PAN2: variants seen among roughly 807,000 people sequenced by gnomAD.
PAN2 encodes poly(A) specific ribonuclease subunit PAN2.
PAN2 carries 68 observed loss-of-function variants against 133.3 expected under a neutral mutation model. That is an observed-to-expected ratio of 0.51 (90% CI 0.42 to 0.62). The LOEUF (loss-of-function observed/expected upper bound fraction) is 0.62. Among genes scored for constraint, PAN2 ranks in the 20% least tolerant of loss-of-function variants. The pLI is 0.00. For missense variants in PAN2, 1,042 were observed against 1,500.5 expected, an observed-to-expected ratio of 0.69 and a Z score of 5.05; for synonymous variants, 462 against 544.6, an observed-to-expected ratio of 0.85 and a Z score of 2.11.
At chr12:56,327,068 C>T in intron 6 of PAN2, 109 bp from the exon 7 acceptor site, 1 of 944,862 alleles carries the variant, frequency 1.1e-6, no homozygotes, top group Non-Finnish European at 1.6e-6. Flanking sequence ...GGCCCCAAAT[C>T]CATGCCTAGA....
chr12:56,333,816 A>AGG (rs1176552973), intron 1 of PAN2, 46 bp downstream of exon 1: 1 of 152,614 alleles, frequency 6.6e-6, no homozygotes, highest in Non-Finnish European at 1.5e-5. Flanking sequence ...GGATAGGGCA[A>AGG]GGGTCAGATG....
rs758389894 is a variant in PAN2 at position 56,319,461 on chromosome 12, C to G, written c.3117G>C (p.Ser1039=). The G allele has an allele frequency of 7.4e-6, 12 of 1,613,620 alleles. No homozygotes were observed. The highest frequency in any genetic ancestry group is 2.7e-5 in the African/African-American group (2 of 74,880). ...EQVVDYLTQY[S]GIKPGDLDAK... ...CATCGAGGTCACCAGGCTTTATACC[C>G]GAGTATTGAGTCAAGTAATCCACCA... is the stretch of plus-strand genomic sequence containing the variant. The change falls in exon 23 of 26, where the codon TCG becomes TCC. Residue 1039 remains serine (S), a synonymous_variant. Coordinates refer to ENST00000440411, the MANE Select transcript of PAN2 (RefSeq NM_014871.6). The surrounding 1 kb of genome is among the most constrained non-coding windows in gnomAD (Gnocchi z 5.4).
intron 6 of PAN2, 89 bp downstream of exon 6, chr12:56,327,275 C>A: frequency 2.8e-6 from 4 of 1,416,206 alleles, no homozygotes; most frequent in South Asian, 1.2e-5. Flanking sequence ...CTTTCCCCAA[C>A]AAAGAGGTTT....
At position 56,318,297 on chromosome 12, in the gene PAN2, C is replaced by T; in HGVS notation, c.3502G>A (p.Glu1168Lys). The T allele has an allele frequency of 3.1e-6, 5 of 1,614,156 alleles. No homozygotes were observed. The highest frequency in any genetic ancestry group is 3.4e-6 in the Non-Finnish European group (4 of 1,180,034). The change falls in exon 25 of 26, where the codon GAG (glutamate) becomes AAG (lysine). Residue 1168 changes from glutamate to lysine, a missense_variant. Physicochemically the swap from Glu to Lys is moderately conservative, Grantham distance 56. Around this residue, in one of 3 missense-constraint regions of PAN2, gnomAD observed 85 missense variants for 116.5 expected, o/e 0.73. Coordinates refer to ENST00000440411, the MANE Select transcript of PAN2 (RefSeq NM_014871.6). ...TTCCAGTCCATCTTTCTGCCCTTCTCATAAAGACCCTTGAGCACCTTGTGG... is the reference window on the plus strand; with the variant it reads ...TTCCAGTCCATCTTTCTGCCCTTCTTATAAAGACCCTTGAGCACCTTGTGG... ...SFHKVLKGLY[E>K]KGRKMDWKVP...
In PAN2 at chr12:56,325,323, G is replaced by C. The variant is rs762860241; in HGVS notation, c.1479+12C>G. ...TTCCCCACATCCCACAGGCCCTGAT[G>C]TCCCCCAGCACCTTGCGGTATTTCT... On this transcript the variant is annotated intron_variant, in intron 9 of 25. Coordinates refer to ENST00000440411, the MANE Select transcript of PAN2 (RefSeq NM_014871.6). The C allele has an allele frequency of 1.2e-6, 2 of 1,613,830 alleles. No homozygotes were observed.
chr12:56,322,173 A>G lies in PAN2; in HGVS notation c.2698-5T>C, dbSNP rs575783934. On this transcript the variant is annotated splice_polypyrimidine_tract_variant and splice_region_variant and intron_variant, in intron 19 of 25. Transcript: ENST00000440411. ...GTCAAACTGCACAGCTTCATGCTATAGAAGAGAAAAAGCACTTATGGCTAA... is the reference window on the plus strand; with the variant it reads ...GTCAAACTGCACAGCTTCATGCTATGGAAGAGAAAAAGCACTTATGGCTAA... The G allele has an allele frequency of 3.8e-6, 6 of 1,573,202 alleles. No individual in the cohort carries two copies. In the African/African-American group the frequency reaches 4.0e-5, roughly 11 times the overall value.
In PAN2 at chr12:56,328,340, A is replaced by G. The variant is rs548163637; in HGVS notation, c.471T>C (p.Asp157=). The G allele has an allele frequency of 1.5e-4, 242 of 1,602,088 alleles. 2 individuals are homozygous for G. The South Asian group carries it at 2.6e-3, about 17-fold the overall frequency. ...IFDYLLDENE[D]MHSLLLTDSS... ...TGTCAGTCAGTAGGAGACTGTGCAT[A>G]TCCTCATTCTCATCCAGCCTGGTGG... The change falls in exon 4 of 26, where the codon GAT becomes GAC. Residue 157 remains aspartate (D), a synonymous_variant. Coordinates refer to ENST00000440411, the MANE Select transcript of PAN2 (RefSeq NM_014871.6).
Position 56,332,846 on chromosome 12 carries a change from C to T in PAN2, c.249G>A (p.Leu83=), listed in dbSNP as rs1334290604. The T allele has an allele frequency of 3.1e-6, 5 of 1,614,068 alleles. No individual in the cohort carries two copies. The highest frequency in any genetic ancestry group is 4.2e-6 in the Non-Finnish European group (5 of 1,180,044). The stretch of plus-strand genomic sequence containing the variant: ...TCCCCACCCACAGCATCTCCTCGTG[C>T]AAGTCAAAGTGGGAGACGGAAACAG... ...GVPVSVSHFD[L]HEEMLWVGSH... Residue 83 remains leucine, a synonymous_variant, in exon 2 of 26, where the codon TTG becomes TTA. Transcript: ENST00000440411.
rs761644578 is a variant in PAN2, at chr12:56,325,338, G to C, written c.1476C>G (p.Arg492=). The C allele has an allele frequency of 6.2e-7, 1 of 1,614,084 alleles. No individual in the cohort carries two copies. The highest frequency in any genetic ancestry group is 8.5e-7 in the Non-Finnish European group (1 of 1,180,002). The change falls in exon 9 of 26, where the codon CGC becomes CGG. Residue 492 remains arginine, a synonymous_variant. Transcript: ENST00000440411. ...PHLHMVSKKY[R]KVTIKYSKLG... is the part of the protein sequence containing the mutation. ...AGGCCCTGATGTCCCCCAGCACCTTGCGGTATTTCTTAGAAACCATGTGGA... is the reference window on the plus strand; with the variant it reads ...AGGCCCTGATGTCCCCCAGCACCTTCCGGTATTTCTTAGAAACCATGTGGA...
At chr12:56,325,214 C>T in intron 9 of PAN2, 86 bp from the exon 10 acceptor site, 2 of 1,576,818 alleles carry the variant, frequency 1.3e-6, no homozygotes, top group South Asian at 1.2e-5. Context: ...CTAGAGCCTT[C>T]CTCCTGGGTC....
rs1482324704 is a variant in PAN2 at position 56,323,212 on chromosome 12, A to G, written c.2346-3T>C. 3 of 1,613,792 alleles carry G rather than the reference A, an allele frequency of 1.9e-6. No individual in the cohort carries two copies. The highest frequency in any genetic ancestry group is 2.2e-5 in the East Asian group (1 of 44,902). The stretch of plus-strand genomic sequence containing the variant: ...CCTCTGGACTCCCTAGTTCCTTCCT[A>G]TCAGGTCAGAAGAATTGGAAATTTG... On this transcript the variant is annotated splice_polypyrimidine_tract_variant and splice_region_variant and intron_variant, in intron 16 of 25. Transcript: ENST00000440411.
At chr12:56,317,725 C>G (rs532300916) in intron 25 of PAN2, 82 bp from the exon 26 acceptor site, 2 of 1,256,256 alleles carry the variant, frequency 1.6e-6, no homozygotes, top group Non-Finnish European at 2.3e-6. Context: ...AGGAAAAATG[C>G]AAGAGAAAAA....
rs780158542 is a variant in PAN2, at chr12:56,318,377, T to C, written c.3422A>G (p.Gln1141Arg). The change falls in exon 25 of 26, where the codon CAG (glutamine) becomes CGG (arginine). Residue 1141 changes from glutamine (Q) to arginine (R), a missense_variant. Physicochemically the swap from Gln to Arg is conservative, Grantham distance 43 (BLOSUM62 1). Coordinates refer to ENST00000440411, the MANE Select transcript of PAN2 (RefSeq NM_014871.6). ...TAGCTCCAGATACTTTCGGTACAGC[T>C]GAAGGGCTGTGCGGGCATCCTCAAT... ...DSIEDARTAL[Q>R]LYRKYLELSK... 1 of 1,614,008 alleles carries C rather than the reference T, an allele frequency of 6.2e-7. No homozygotes were observed. Among genetic ancestry groups the C allele is most frequent in the Non-Finnish European group, 8.5e-7 (1 of 1,179,894 alleles).
chr12:56,324,004 G>T (rs777970466), intron 13 of PAN2, 45 bp downstream of exon 13: 3 of 1,612,558 alleles, frequency 1.9e-6, no homozygotes, highest in Non-Finnish European at 2.5e-6. Flanking sequence ...AGGACATTTT[G>T]GGGAGCCTTC....
At position 56,328,230 on chromosome 12, in the gene PAN2, G is replaced by A; in HGVS notation, c.573+8C>T. ...CCCACATAGGTCTTTCTTGCCCCAAGCTTGTACCTTCTGAGTCTCCTGGAC... is the reference window on the plus strand; with the variant it reads ...CCCACATAGGTCTTTCTTGCCCCAAACTTGTACCTTCTGAGTCTCCTGGAC... On this transcript the variant is annotated splice_region_variant and intron_variant, in intron 4 of 25. Coordinates refer to ENST00000440411, the MANE Select transcript of PAN2 (RefSeq NM_014871.6). 6.3e-7 allele frequency: 1 copy of A among 1,588,152 alleles called. No homozygotes were observed. Among genetic ancestry groups the A allele is most frequent in the Non-Finnish European group, 8.6e-7 (1 of 1,165,196 alleles).
rs1170792248 is a variant in PAN2 at position 56,319,125 on chromosome 12, T to C, written c.3327A>G (p.Arg1109=). The change falls in exon 24 of 26, where the codon CGA becomes CGG. Residue 1109 remains arginine (R), a synonymous_variant. Transcript: ENST00000440411. The surrounding 1 kb of genome is among the most constrained non-coding windows in gnomAD (Gnocchi z 5.4). ...TVYLFHMPRK[R]MISLRFLAWY... ...AAGCAAGGAATCGCAGGGAAATCAT[T>C]CGTTTTCGGGGCATATGGAACAGGT... 3 of 1,614,026 alleles carry C rather than the reference T, an allele frequency of 1.9e-6. No individual in the cohort carries two copies. Among genetic ancestry groups the C allele is most frequent in the Non-Finnish European group, 2.5e-6 (3 of 1,180,046 alleles).
chr12:56,328,671 T>TA (rs1875392767), intron 2 of PAN2, 30 bp from the exon 3 acceptor site: 9 of 1,603,878 alleles, frequency 5.6e-6, no homozygotes, highest in African/African-American at 1.3e-5. Context: ...CAGAGACACT[T>TA]AGAGTGGAGG....
chr12:56,326,527 A>G (rs1875145515), intron 7 of PAN2, 90 bp downstream of exon 7: 3 of 1,507,678 alleles, frequency 2.0e-6, no homozygotes, highest in Admixed American at 2.2e-5. Context: ...TCAGGAAAGT[A>G]GTAGAATAAC....
chr12:56,327,329 G>A (rs201144321), intron 6 of PAN2, 35 bp downstream of exon 6: 29 of 1,602,598 alleles, frequency 1.8e-5, no homozygotes, highest in African/African-American at 2.7e-5. Context: ...TTTGCTCATC[G>A]ATCCCTCCTA....
Sources: allele counts gnomAD v4.1 joint callset, GRCh38; gene constraint gnomAD v4.1.1; regional missense constraint gnomAD v4.1.1; non-coding constraint Gnocchi (gnomAD v3.1); transcripts MANE v1.5; gene names NCBI Gene and HGNC (gene_info 2026-07-23, HGNC 2026-07-21).